The following VTA1 variants were observed in gnomAD, a reference collection of about 807,000 sequenced individuals.
VTA1 encodes vesicle trafficking 1.
In VTA1, 24 loss-of-function variants were observed where a neutral mutation model predicts 36.9. The ratio of observed to expected loss-of-function variants is 0.65; its 90% CI spans 0.47 to 0.91. The LOEUF (loss-of-function observed/expected upper bound fraction) is 0.91, where lower values mean the gene tolerates loss of function less well. VTA1 is among the 40% of genes least tolerant of loss of function. The probability of loss-of-function intolerance (pLI) is 0.00; values close to 1 mark genes in which losing one functional copy is unlikely to be tolerated. For synonymous variants in VTA1, 142 were observed against 130.2 expected, an observed-to-expected ratio of 1.09 and a Z score of -0.62; for missense variants, 393 against 377.2, an observed-to-expected ratio of 1.04 and a Z score of -0.35.
In VTA1 at chr6:142,184,332, T is replaced by C. The variant is rs191792904; in HGVS notation, c.412-5094T>C. On this transcript the variant is annotated intron_variant, in intron 4 of 7. Coordinates refer to ENST00000367630, the MANE Select transcript of VTA1 (RefSeq NM_016485.5). ...GACCTTCAGTAAATTACTTTACTTT[T>C]GTAATGACATTTCTTCATCTCTAAA... Among the ~76,000 whole-genome samples, 160 of 152,290 alleles carry C rather than the reference T, an allele frequency of 1.1e-3. 4 individuals are homozygous for C. The highest frequency in any genetic ancestry group is 9.3e-3 in the Admixed American group (142 of 15,302).
intron 1 of VTA1, among the ~76,000 whole-genome samples, chr6:142,160,395 A>G (rs965504222): frequency 6.6e-6 from 1 of 152,046 alleles, no homozygotes; most frequent in Non-Finnish European, 1.5e-5. Context: ...GGCCTTGAGG[A>G]GCTTCCCCCT....
At chr6:142,151,796 G>T (rs1305463825) in intron 1 of VTA1, among the ~76,000 whole-genome samples, 1 of 152,238 alleles carries the variant, frequency 6.6e-6, no homozygotes, top group African/African-American at 2.4e-5. Context: ...CACTTTGGGA[G>T]GCTGAGGCAG....
intron 7 of VTA1, among the ~76,000 whole-genome samples, chr6:142,208,218 T>C (rs901451232): frequency 3.3e-5 from 5 of 149,492 alleles, no homozygotes; most frequent in African/African-American, 1.2e-4. Flanking sequence ...AGAAAAGCAA[T>C]AAAGACATTT....
chr6:142,173,548 C>T (rs1365114790), intron 4 of VTA1, among the ~76,000 whole-genome samples: 1 of 152,114 alleles, frequency 6.6e-6, no homozygotes, highest in Non-Finnish European at 1.5e-5. Flanking sequence ...AGCTACCTTC[C>T]CCTATGTATT....
intron 1 of VTA1, among the ~76,000 whole-genome samples, chr6:142,152,954 C>G (rs1778596106): frequency 6.6e-6 from 1 of 152,128 alleles, no homozygotes; most frequent in Admixed American, 6.5e-5. Flanking sequence ...ATTTGACTAA[C>G]TTACTGACTC....
At position 142,166,308 on chromosome 6, in the gene VTA1, G is replaced by A. The variant is rs1224912768; in HGVS notation, c.193G>A (p.Asp65Asn). Reference sequence around the variant, plus strand: ...TCGCAAATTTTTATCAAAGTTAATGGATCAGTTAGAAGCTGTAAGTTAACC... The same window carrying A: ...TCGCAAATTTTTATCAAAGTTAATGAATCAGTTAGAAGCTGTAAGTTAACC... Reference protein sequence around the residue: ...ECRKFLSKLMDQLEALKKQLG... With the variant: ...ECRKFLSKLMNQLEALKKQLG... The change falls in exon 2 of 8, where the codon GAT (aspartate) becomes AAT (asparagine). Residue 65 changes from aspartate (D) to asparagine (N), a missense_variant. Transcript: ENST00000367630. The A allele has an allele frequency of 1.2e-6, 2 of 1,608,324 alleles. No homozygotes were observed. The highest frequency in any genetic ancestry group is 1.7e-6 in the Non-Finnish European group (2 of 1,175,634).
At chr6:142,163,457 C>A (rs1032253584) in intron 1 of VTA1, among the ~76,000 whole-genome samples, 1 of 152,062 alleles carries the variant, frequency 6.6e-6, no homozygotes, top group African/African-American at 2.4e-5. Flanking sequence ...GGGAAATGTA[C>A]TCTTTTGGCT....
Position 142,220,740 on chromosome 6 carries a change from AATCTT to A in VTA1, c.*2099_*2103del, listed in dbSNP as rs1307166746. The A allele has an allele frequency of 6.6e-6, 1 of 152,076 alleles. No individual in the cohort carries two copies. The highest frequency in any genetic ancestry group is 2.4e-5 in the African/African-American group (1 of 41,394). 9.4% of individuals were successfully genotyped at this position (152,076 alleles called of 1,614,324 possible). A position where few individuals can be genotyped will look rare whatever the true frequency, so the allele number is the denominator to read the frequency against. ...TTTGTATTTGTATTTTTTCCTATAA[AATCTT>A]AAAATAAAATTAGGAGATGTGTTCT... is the stretch of plus-strand genomic sequence containing the variant. On this transcript the variant is annotated 3_prime_UTR_variant, in exon 8 of 8. Coordinates refer to ENST00000367630, the MANE Select transcript of VTA1 (RefSeq NM_016485.5).
rs759275850 is a variant in VTA1, at chr6:142,218,662, C to G, written c.*19C>G. ...AGAATGAAGCCTTTGTATGACAGACCCATGTATTTTTGGCATGAGGAACTA... is the reference window on the plus strand; with the variant it reads ...AGAATGAAGCCTTTGTATGACAGACGCATGTATTTTTGGCATGAGGAACTA... On this transcript the variant is annotated 3_prime_UTR_variant, in exon 8 of 8. Transcript: ENST00000367630. The G allele has an allele frequency of 5.0e-6, 8 of 1,587,096 alleles. No homozygotes were observed. The highest frequency in any genetic ancestry group is 6.8e-6 in the Non-Finnish European group (8 of 1,170,524).
At chr6:142,171,956 G>T (rs1326469012) in intron 4 of VTA1, among the ~76,000 whole-genome samples, 1 of 152,100 alleles carries the variant, frequency 6.6e-6, no homozygotes, top group African/African-American at 2.4e-5. Context: ...GTATAAGCAG[G>T]GGTTTTGCCA....
At chr6:142,189,364 A>T in intron 4 of VTA1, 62 bp from the exon 5 acceptor site, 1 of 1,359,224 alleles carries the variant, frequency 7.4e-7, no homozygotes, top group Non-Finnish European at 1.0e-6. Flanking sequence ...AGGTCATCAT[A>T]AATGTTTACT....
intron 1 of VTA1, among the ~76,000 whole-genome samples, chr6:142,165,234 G>A (rs1182460095): frequency 6.6e-6 from 1 of 152,106 alleles, no homozygotes; most frequent in African/African-American, 2.4e-5. Context: ...TGTGAGTTTA[G>A]GCAAAATGAG....
intron 7 of VTA1, among the ~76,000 whole-genome samples, chr6:142,205,158 G>A (rs1235580647): frequency 6.6e-6 from 1 of 152,192 alleles, no homozygotes; most frequent in Non-Finnish European, 1.5e-5. Context: ...CATGGAATGA[G>A]GAGAGCCTTT....
intron 4 of VTA1, among the ~76,000 whole-genome samples, chr6:142,184,054 A>G (rs1775295520): frequency 6.6e-6 from 1 of 152,212 alleles, no homozygotes; most frequent in Non-Finnish European, 1.5e-5. Context: ...AAGAAAATTT[A>G]GCCTAATTTT....
At chr6:142,204,221 C>G (rs1775743103) in intron 7 of VTA1, among the ~76,000 whole-genome samples, 156 bp downstream of exon 7, 3 of 152,114 alleles carry the variant, frequency 2.0e-5, no homozygotes, top group African/African-American at 7.2e-5. Context: ...CTTATGTTCA[C>G]TAGATTCTCA....
In VTA1 at chr6:142,160,404, C is replaced by T. The variant is rs547043592; in HGVS notation, c.113-5824C>T. On this transcript the variant is annotated intron_variant, in intron 1 of 7. Transcript: ENST00000367630. ...TTCTTTGGCCTTGAGGAGCTTCCCC[C>T]TGCACACCATATGTTAGTATTCAGC... 5.3e-5 allele frequency among the ~76,000 whole-genome samples: 8 copies of T among 152,304 alleles called. No individual in the cohort carries two copies. The South Asian group carries it at 1.5e-3, about 28-fold the overall frequency.
chr6:142,167,320 C>G (rs1310075402), intron 2 of VTA1, among the ~76,000 whole-genome samples: 1 of 152,260 alleles, frequency 6.6e-6, no homozygotes, highest in East Asian at 1.9e-4. Context: ...CCCAGCCATA[C>G]CTGGTTTCTC....
rs183535267 is a variant in VTA1 at position 142,195,816 on chromosome 6, T to C, written c.521-2623T>C. Among the ~76,000 whole-genome samples, 41 of 152,186 alleles carry C rather than the reference T, an allele frequency of 2.7e-4. No individual in the cohort carries two copies. The East Asian group carries it at 7.7e-3, about 29-fold the overall frequency. On this transcript the variant is annotated intron_variant, in intron 5 of 7. Transcript: ENST00000367630. ...ATGGATTATTTATAAATATATTCTT[T>C]AATTTCAGAATGTTTGAGGTGTTTG... is the stretch of plus-strand genomic sequence containing the variant.
At position 142,222,543 on chromosome 6, in the gene VTA1, C is replaced by A. The variant is rs1013013744; in HGVS notation, c.*3900C>A. 3.3e-5 allele frequency: 5 copies of A among 152,084 alleles called. No homozygotes were observed. Among genetic ancestry groups the A allele is most frequent in the Admixed American group, 3.3e-4 (5 of 15,276 alleles). The allele number at this position is 152,084 out of a possible 1,614,324, so 9.4% of individuals were successfully genotyped here. A position where few individuals can be genotyped will look rare whatever the true frequency, so the allele number is the denominator to read the frequency against. On this transcript the variant is annotated 3_prime_UTR_variant, in exon 8 of 8. Transcript: ENST00000367630. ...TTGTAATTCTAGAAATTTGAGAATT[C>A]TATGTATGCATTGAAAGATTATATA...
Sources: gnomAD v4.1 joint callset for allele counts (sites outside exome capture counted in the v4.1 genomes callset) on GRCh38, gnomAD v4.1.1 for gene constraint, MANE v1.5 for transcripts, NCBI Gene and HGNC (gene_info 2026-07-23, HGNC 2026-07-21) for gene names.